The following MAST4 variants were observed in gnomAD, a reference collection of about 807,000 sequenced individuals.
MAST4 encodes microtubule associated serine/threonine kinase family member 4.
MAST4 carries 89 observed loss-of-function variants against 162.7 expected under a neutral mutation model. The observed-to-expected ratio is 0.55, with a 90% CI of 0.46 to 0.65. MAST4 has a LOEUF of 0.65. Among genes scored for constraint, MAST4 ranks in the 30% least tolerant of loss-of-function variants. The probability of loss-of-function intolerance (pLI) is 0.00; values close to 1 mark genes in which losing one functional copy is unlikely to be tolerated. For synonymous variants in MAST4, 1,479 were observed against 1,361.1 expected (o/e 1.09, Z -1.91); for missense variants, 3,153 against 3,374.0 (o/e 0.93, Z 1.62).
chr5:66,676,305 CTG>C (rs1561254772), intron 1 of MAST4, among the ~76,000 whole-genome samples: 1 of 152,214 alleles, frequency 6.6e-6, no homozygotes, highest in African/African-American at 2.4e-5. Context: ...CATACACTGA[CTG>C]TGCCTTGATG....
At chr5:66,649,932 G>A (rs1746108064) in intron 1 of MAST4, among the ~76,000 whole-genome samples, 1 of 150,214 alleles carries the variant, frequency 6.7e-6, no homozygotes, top group African/African-American at 2.5e-5. Flanking sequence ...CAATTTCTCA[G>A]TGATTGCCCA....
chr5:67,166,277 C>A lies in MAST4; in HGVS notation c.7098C>A (p.Asp2366Glu), dbSNP rs376404934. ...CGAGTCAGCCGGCCGCCAACACCGA[C>A]AGAAGGGCGGAAGGGAAGAAATGCA... Reference protein sequence around the residue: ...KSPSQPAANTDRRAEGKKCTE... With the variant: ...KSPSQPAANTERRAEGKKCTE... The change falls in exon 29 of 29, where the codon GAC becomes GAA. Residue 2366 changes from aspartate to glutamate, a missense_variant. Physicochemically the swap from Asp to Glu is conservative, Grantham distance 45 (BLOSUM62 2). Coordinates refer to ENST00000403625, the MANE Select transcript of MAST4 (RefSeq NM_001164664.2). The A allele has an allele frequency of 2.5e-4, 384 of 1,557,310 alleles. No homozygotes were observed. Among genetic ancestry groups the A allele is most frequent in the Middle Eastern group, 1.5e-3 (9 of 5,996 alleles).
At chr5:66,601,655 C>T (rs527730321) in intron 1 of MAST4, among the ~76,000 whole-genome samples, 1 of 152,134 alleles carries the variant, frequency 6.6e-6, no homozygotes, top group East Asian at 1.9e-4. Flanking sequence ...AGCATGGGTC[C>T]ATGGCTCTGA....
At chr5:66,960,888 C>T (rs752531616) in intron 4 of MAST4, among the ~76,000 whole-genome samples, 7 of 152,160 alleles carry the variant, frequency 4.6e-5, no homozygotes, top group Non-Finnish European at 1.0e-4. Context: ...TTGCCAGCGT[C>T]GACACAGGAC....
intron 3 of MAST4, among the ~76,000 whole-genome samples, chr5:66,867,130 T>C (rs1170612890): frequency 6.6e-6 from 1 of 152,190 alleles, no homozygotes; most frequent in African/African-American, 2.4e-5. Context: ...CTCCGATATA[T>C]GATTTTCTGG....
intron 1 of MAST4, among the ~76,000 whole-genome samples, chr5:66,605,383 C>G (rs180755430): frequency 6.6e-6 from 1 of 152,156 alleles, no homozygotes; most frequent in Non-Finnish European, 1.5e-5. Flanking sequence ...TTGACTTTCC[C>G]GTCCTCATGG....
At chr5:66,663,921 G>C (rs35468090) in intron 1 of MAST4, among the ~76,000 whole-genome samples, 10,517 of 152,196 alleles carry the variant, frequency 0.069, 422 homozygotes, top group Admixed American at 0.11. Flanking sequence ...GTGATACCCA[G>C]GAGTGGGGAT....
In MAST4 at chr5:66,829,009, C is replaced by T. The variant is rs905512536; in HGVS notation, c.642+40215C>T. Reference sequence around the variant, plus strand: ...ATAATTCTTAGTATCTACATGGCAACGCTATACGGAGTTTCTGGTTACAGG... The same window carrying T: ...ATAATTCTTAGTATCTACATGGCAATGCTATACGGAGTTTCTGGTTACAGG... On this transcript the variant is annotated intron_variant, in intron 3 of 28. Coordinates refer to ENST00000403625, the MANE Select transcript of MAST4 (RefSeq NM_001164664.2). The T allele has an allele frequency of 2.4e-5, 19 of 795,744 alleles. 1 individual carries two copies. Among genetic ancestry groups the T allele is most frequent in the East Asian group, 1.9e-4 (7 of 37,336 alleles). The allele number at this position is 795,744 out of a possible 1,614,324, so 49.3% of individuals were successfully genotyped here.
chr5:66,888,943 C>T (rs1233916125), intron 3 of MAST4, among the ~76,000 whole-genome samples: 7 of 152,158 alleles, frequency 4.6e-5, no homozygotes, highest in Non-Finnish European at 1.0e-4. Context: ...TCAAATAAAG[C>T]TTTTGAACAT....
Position 67,162,697 on chromosome 5 carries a change from A to G in MAST4, c.3876A>G (p.Ser1292=). 1 of 1,613,860 alleles carries G rather than the reference A, an allele frequency of 6.2e-7. No homozygotes were observed. The highest frequency in any genetic ancestry group is 8.5e-7 in the Non-Finnish European group (1 of 1,179,860). ...TCTCCTGCTTGAACAGATCCCTGTC[A>G]TCGGGTGAGAGCCTCCCAGGTTCCC... ...RSFSCLNRSL[S]SGESLPGSPT... Residue 1292 remains serine, a synonymous_variant, in exon 28 of 29, where the codon TCA becomes TCG. Transcript: ENST00000403625.
intron 3 of MAST4, among the ~76,000 whole-genome samples, chr5:66,871,262 A>G (rs774443623): frequency 2.0e-5 from 3 of 152,142 alleles, no homozygotes; most frequent in Non-Finnish European, 2.9e-5. Flanking sequence ...GTAGCAAACT[A>G]CATAGGAAGT....
rs373496691 is a variant in MAST4, at chr5:67,166,266, G to A, written c.7087G>A (p.Ala2363Thr). 6.2e-5 allele frequency: 96 copies of A among 1,554,652 alleles called. 2 individuals carry two copies. In the Middle Eastern group the frequency reaches 9.2e-3, roughly 149 times the overall value. ...AGACAAAAGCCCGAGTCAGCCGGCCGCCAACACCGACAGAAGGGCGGAAGG... is the reference window on the plus strand; with the variant it reads ...AGACAAAAGCCCGAGTCAGCCGGCCACCAACACCGACAGAAGGGCGGAAGG... ...QTDKSPSQPA[A>T]NTDRRAEGKK... The change falls in exon 29 of 29, where the codon GCC becomes ACC. Residue 2363 changes from alanine (A) to threonine (T), a missense_variant. By Grantham distance (58) the Ala-to-Thr change is moderately conservative. Around this residue, in one of 7 missense-constraint regions of MAST4, gnomAD observed 1,644 missense variants for 1,495.0 expected, o/e 1.10. Coordinates refer to ENST00000403625, the MANE Select transcript of MAST4 (RefSeq NM_001164664.2).
At chr5:66,957,580 G>C (rs1057230070) in intron 4 of MAST4, among the ~76,000 whole-genome samples, 1 of 152,010 alleles carries the variant, frequency 6.6e-6, no homozygotes, top group Non-Finnish European at 1.5e-5. Context: ...ACCTCCAAAG[G>C]ATAAGAGGAT....
chr5:66,606,014 T>C (rs1046361311), intron 1 of MAST4, among the ~76,000 whole-genome samples: 7 of 152,352 alleles, frequency 4.6e-5, no homozygotes, highest in Middle Eastern at 3.4e-3. Context: ...TGTAACCTGC[T>C]AAAATCATAT....
At chr5:66,875,742 C>G (rs535116167) in intron 3 of MAST4, among the ~76,000 whole-genome samples, 1 of 152,114 alleles carries the variant, frequency 6.6e-6, no homozygotes, top group Non-Finnish European at 1.5e-5. Context: ...AAAGTCTATA[C>G]AGTTCTATGT....
chr5:66,793,674 C>G (rs1755524006), intron 3 of MAST4, among the ~76,000 whole-genome samples: 1 of 152,150 alleles, frequency 6.6e-6, no homozygotes, highest in African/African-American at 2.4e-5. Context: ...GCACCATGAA[C>G]ATTAGTTTCT....
At chr5:66,804,924 A>G (rs777043559) in intron 3 of MAST4, among the ~76,000 whole-genome samples, 15 of 152,260 alleles carry the variant, frequency 9.9e-5, no homozygotes, top group African/African-American at 3.6e-4. Flanking sequence ...TGGCATCTTC[A>G]GTTTTAAGTC....
At chr5:66,612,397 C>T (rs774369174) in intron 1 of MAST4, among the ~76,000 whole-genome samples, 4 of 152,182 alleles carry the variant, frequency 2.6e-5, no homozygotes, top group Admixed American at 1.3e-4. Flanking sequence ...GGGACTCCCC[C>T]GAGTACCCTG....
intron 3 of MAST4, among the ~76,000 whole-genome samples, chr5:66,834,479 A>G (rs1757825523): frequency 6.6e-6 from 1 of 152,044 alleles, no homozygotes; most frequent in African/African-American, 2.4e-5. Context: ...GAGCCCATGG[A>G]TGTTGTCCAT....
Sources: allele counts gnomAD v4.1 joint callset (sites outside exome capture counted in the v4.1 genomes callset), GRCh38; gene constraint gnomAD v4.1.1; regional missense constraint gnomAD v4.1.1; transcripts MANE v1.5; gene names NCBI Gene and HGNC (gene_info 2026-07-23, HGNC 2026-07-21).